CTNNA2: variants seen among roughly 807,000 people sequenced by gnomAD.
CTNNA2 encodes catenin alpha 2, also known as catenin alpha-2.
Under a neutral mutation model 101.0 loss-of-function variants are expected in CTNNA2, and 42 were observed. The observed-to-expected ratio is 0.42, with a 90% CI of 0.32 to 0.54. The LOEUF is 0.54. Ranked by LOEUF, CTNNA2 falls within the 20% of genes least tolerant of loss-of-function variation. The probability of loss-of-function intolerance (pLI) is 0.14; values close to 1 mark genes in which losing one functional copy is unlikely to be tolerated. For missense variants in CTNNA2, 871 were observed against 1,223.1 expected (o/e 0.71, Z 4.29); for synonymous variants, 450 against 456.4 (o/e 0.99, Z 0.18).
intron 3 of CTNNA2, among the ~76,000 whole-genome samples, chr2:79,815,550 T>C (rs1376828462): frequency 1.3e-5 from 2 of 152,184 alleles, no homozygotes; most frequent in African/African-American, 4.8e-5. Context: ...TTGTTTGCTT[T>C]GTCAAAGATC....
At chr2:80,501,141 T>C (rs1687851729) in intron 9 of CTNNA2, among the ~76,000 whole-genome samples, 1 of 152,220 alleles carries the variant, frequency 6.6e-6, no homozygotes, top group Admixed American at 6.5e-5. Context: ...ATTTCTGCTT[T>C]ATTTGGCATA....
intron 7 of CTNNA2, among the ~76,000 whole-genome samples, chr2:80,360,311 C>A (rs78294614): frequency 0.029 from 4,415 of 152,178 alleles, 115 homozygotes; most frequent in African/African-American, 0.066. Context: ...TTATGACACA[C>A]CGTATATTTT....
At chr2:80,004,815 G>T (rs1693218047) in intron 7 of CTNNA2, among the ~76,000 whole-genome samples, 1 of 151,890 alleles carries the variant, frequency 6.6e-6, no homozygotes. Flanking sequence ...CAATTCTCCT[G>T]CTTCAGCCTC....
At position 79,217,763 on chromosome 2, in the gene CTNNA2, A is replaced by G. The variant is rs544268352; in HGVS notation, c.-406+19687A>G. Reference sequence around the variant, plus strand: ...AAGCCTATGACACCTACAGCTACACAAATTGAAAATATAGCCTGACTTAGC... The same window carrying G: ...AAGCCTATGACACCTACAGCTACACGAATTGAAAATATAGCCTGACTTAGC... On this transcript the variant is annotated intron_variant, in intron 2 of 21. Transcript: ENST00000466387. Among the ~76,000 whole-genome samples the G allele has an allele frequency of 2.5e-4, 38 of 152,324 alleles. No individual in the cohort carries two copies. The East Asian group carries it at 6.8e-3, about 27-fold the overall frequency.
intron 2 of CTNNA2, among the ~76,000 whole-genome samples, chr2:79,720,731 T>G (rs527660638): frequency 6.6e-6 from 1 of 152,218 alleles, no homozygotes; most frequent in East Asian, 1.9e-4. Flanking sequence ...TTTGTACATA[T>G]CCAGGAACCT....
intron 4 of CTNNA2, among the ~76,000 whole-genome samples, chr2:79,385,696 C>G (rs776991424): frequency 8.6e-5 from 13 of 151,902 alleles, no homozygotes; most frequent in Non-Finnish European, 1.5e-4. Flanking sequence ...CCACCACCCC[C>G]CAACAGGCCC....
intron 7 of CTNNA2, among the ~76,000 whole-genome samples, chr2:79,991,006 G>A (rs528850571): frequency 2.0e-5 from 3 of 152,202 alleles, no homozygotes; most frequent in African/African-American, 7.2e-5. Context: ...GTCTTGGGAG[G>A]GTGTATGTGT....
chr2:80,194,319 G>T (rs1344399447), intron 7 of CTNNA2, among the ~76,000 whole-genome samples: 2 of 152,178 alleles, frequency 1.3e-5, no homozygotes, highest in Non-Finnish European at 2.9e-5. Flanking sequence ...TGCCAAGAGA[G>T]CAGTGATACC....
At chr2:79,429,221 A>G (rs1678625547) in intron 4 of CTNNA2, among the ~76,000 whole-genome samples, 1 of 152,184 alleles carries the variant, frequency 6.6e-6, no homozygotes, top group Non-Finnish European at 1.5e-5. Context: ...TGTTAAGCAA[A>G]AAATAATGGG....
chr2:79,195,767 G>T, intron 1 of CTNNA2: 1 of 496,314 alleles, frequency 2.0e-6, no homozygotes, highest in East Asian at 5.7e-5. Context: ...AAAGGAGCAA[G>T]TTTTATCATC....
intron 7 of CTNNA2, among the ~76,000 whole-genome samples, chr2:80,364,953 T>C (rs1674780515): frequency 6.6e-6 from 1 of 152,268 alleles, no homozygotes; most frequent in East Asian, 1.9e-4. Context: ...TTAAATGCGA[T>C]AGTAACAGCT....
chr2:79,312,716 T>C (rs995001852), exon 3 of CTNNA2: 13 of 152,138 alleles, frequency 8.5e-5, no homozygotes, highest in African/African-American at 3.1e-4. Flanking sequence ...CAGAACAAAA[T>C]ATACAGCTGG....
chr2:79,344,247 C>T (rs897204307), intron 3 of CTNNA2, among the ~76,000 whole-genome samples: 2 of 152,212 alleles, frequency 1.3e-5, no homozygotes, highest in African/African-American at 4.8e-5. Context: ...GCATTATCAT[C>T]AGAAAGCCAG....
rs889470843 is a variant in CTNNA2 at position 79,382,752 on chromosome 2, T to C, written c.-135+8739T>C. ...CCTCAGCCTCCCGAGTAGCTGGGACTACACGTGCCCAACACCACGCCCGGC... is the reference window on the plus strand; with the variant it reads ...CCTCAGCCTCCCGAGTAGCTGGGACCACACGTGCCCAACACCACGCCCGGC... On this transcript the variant is annotated intron_variant, in intron 4 of 21. Coordinates refer to the CTNNA2 transcript ENST00000466387. 3.9e-5 allele frequency among the ~76,000 whole-genome samples: 6 copies of C among 152,186 alleles called. No individual in the cohort carries two copies. In the South Asian group the frequency reaches 8.3e-4, roughly 21 times the overall value.
intron 1 of CTNNA2, among the ~76,000 whole-genome samples, chr2:79,631,162 C>T (rs555861885): frequency 2.0e-5 from 3 of 152,240 alleles, no homozygotes; most frequent in Admixed American, 6.5e-5. Context: ...AGAGGCTTTC[C>T]TTTCCTCTGT....
chr2:79,186,312 T>G (rs2104149663), intron 1 of CTNNA2, among the ~76,000 whole-genome samples: 1 of 152,346 alleles, frequency 6.6e-6, no homozygotes, highest in African/African-American at 2.4e-5. Context: ...CATTTTATTC[T>G]ATAAACAATC....
intron 7 of CTNNA2, among the ~76,000 whole-genome samples, chr2:79,936,871 A>C (rs922794402): frequency 1.3e-5 from 2 of 152,060 alleles, no homozygotes; most frequent in Non-Finnish European, 2.9e-5. Context: ...TTTTTCTCTT[A>C]TCTCCTCCCC....
intron 2 of CTNNA2, among the ~76,000 whole-genome samples, chr2:79,289,504 G>C (rs1311945321): frequency 6.6e-6 from 1 of 152,174 alleles, no homozygotes; most frequent in Non-Finnish European, 1.5e-5. Flanking sequence ...GCTCACGCCT[G>C]TAATCCCAGC....
intron 7 of CTNNA2, among the ~76,000 whole-genome samples, chr2:80,270,440 A>C (rs567800424): frequency 6.6e-6 from 1 of 152,304 alleles, no homozygotes; most frequent in Admixed American, 6.5e-5. Flanking sequence ...CTCAGCAGGG[A>C]ACTCATTGTC....
Sources: gnomAD v4.1 joint callset for allele counts (sites outside exome capture counted in the v4.1 genomes callset) on GRCh38, gnomAD v4.1.1 for gene constraint, MANE v1.5 for transcripts, NCBI Gene and HGNC (gene_info 2026-07-23, HGNC 2026-07-21) for gene names.